The following RALGAPA2 variants were observed in gnomAD, a reference collection of about 807,000 sequenced individuals.
RALGAPA2 encodes ral GTPase-activating protein subunit alpha-2.
Under a neutral mutation model 230.4 loss-of-function variants are expected in RALGAPA2, and 139 were observed. The observed-to-expected ratio is 0.60, with a 90% CI of 0.53 to 0.69. RALGAPA2 has a LOEUF of 0.69. Among genes scored for constraint, RALGAPA2 ranks in the 30% least tolerant of loss-of-function variants. RALGAPA2 has a pLI of 0.00. For synonymous variants in RALGAPA2, 847 were observed against 837.8 expected, an observed-to-expected ratio of 1.01 and a Z score of -0.19; for missense variants, 2,163 against 2,276.0, an observed-to-expected ratio of 0.95 and a Z score of 1.01.
At chr20:20,537,052 T>C (rs2063516647) in intron 24 of RALGAPA2, among the ~76,000 whole-genome samples, 1 of 152,200 alleles carries the variant, frequency 6.6e-6, no homozygotes, top group South Asian at 2.1e-4. Context: ...CCAATGACTC[T>C]GTCATGACTG....
chr20:20,627,741 T>C (rs2066535602), intron 10 of RALGAPA2, among the ~76,000 whole-genome samples: 1 of 152,266 alleles, frequency 6.6e-6, no homozygotes, highest in African/African-American at 2.4e-5. Flanking sequence ...TTCCGGCTCC[T>C]GGTGTGGTAT....
chr20:20,445,029 G>C (rs2060829490), intron 37 of RALGAPA2, among the ~76,000 whole-genome samples: 1 of 152,168 alleles, frequency 6.6e-6, no homozygotes, highest in Admixed American at 6.5e-5. Context: ...TGTCCCCAAA[G>C]TGCAAAAGTA....
intron 5 of RALGAPA2, among the ~76,000 whole-genome samples, chr20:20,642,332 T>G (rs1568691981): frequency 6.6e-6 from 1 of 152,082 alleles, no homozygotes; most frequent in Non-Finnish European, 1.5e-5. Flanking sequence ...TGCCTCAGCC[T>G]CCCGAGTAGC....
At chr20:20,511,208 C>A in intron 33 of RALGAPA2, 46 bp downstream of exon 33, 3 of 1,546,368 alleles carry the variant, frequency 1.9e-6, no homozygotes, top group Non-Finnish European at 2.6e-6. Context: ...TCCAAGAATA[C>A]CCAAAGACAA....
chr20:20,656,675 C>A (rs1012378624), intron 3 of RALGAPA2, among the ~76,000 whole-genome samples: 2 of 152,192 alleles, frequency 1.3e-5, no homozygotes, highest in African/African-American at 4.8e-5. Context: ...ATAAGTAAAA[C>A]AGCTCTCTAC....
intron 1 of RALGAPA2, among the ~76,000 whole-genome samples, chr20:20,696,784 C>T (rs1603252212): frequency 6.6e-6 from 1 of 152,306 alleles, no homozygotes; most frequent in East Asian, 1.9e-4. Context: ...GTCCAAACCT[C>T]CCTTCAGAGA....
chr20:20,561,952 C>T (rs1039805393), intron 23 of RALGAPA2, among the ~76,000 whole-genome samples: 14 of 152,140 alleles, frequency 9.2e-5, no homozygotes, highest in African/African-American at 3.1e-4. Flanking sequence ...AAAGTGTGTC[C>T]AGACATTGCC....
intron 38 of RALGAPA2, among the ~76,000 whole-genome samples, chr20:20,409,434 T>TAC (rs758725508): frequency 5.9e-5 from 9 of 152,208 alleles, no homozygotes; most frequent in Non-Finnish European, 1.3e-4. Flanking sequence ...AGATTGTGCA[T>TAC]ACGCATGTGA....
Position 20,390,426 on chromosome 20 carries a change from C to A in RALGAPA2, c.*2863G>T. On this transcript the variant is annotated 3_prime_UTR_variant, in exon 40 of 40. Transcript: ENST00000202677. Reference sequence around the variant, plus strand: ...GTACGAAAGCCTAAGTACAATGAGACGATAAACATCAGCTTTGCTCTGGAT... The same window carrying A: ...GTACGAAAGCCTAAGTACAATGAGAAGATAAACATCAGCTTTGCTCTGGAT... The A allele has an allele frequency of 6.6e-6, 1 of 152,140 alleles. No homozygotes were observed. Among genetic ancestry groups the A allele is most frequent in the East Asian group, 1.9e-4 (1 of 5,198 alleles). The allele number at this position is 152,140 out of a possible 1,614,324, so 9.4% of individuals were successfully genotyped here. A position where few individuals can be genotyped will look rare whatever the true frequency, so the allele number is the denominator to read the frequency against.
chr20:20,496,673 G>T (rs77739773), intron 35 of RALGAPA2, among the ~76,000 whole-genome samples: 6,757 of 152,180 alleles, frequency 0.044, 225 homozygotes, highest in Non-Finnish European at 0.067. Flanking sequence ...TTTTAAAAAG[G>T]TGTTCTGGAA....
chr20:20,683,980 G>A (rs1257913224), intron 1 of RALGAPA2, among the ~76,000 whole-genome samples: 1 of 152,168 alleles, frequency 6.6e-6, no homozygotes, highest in African/African-American at 2.4e-5. Context: ...CTGAGCACAT[G>A]CAGAGTGCGC....
chr20:20,685,999 TCTC>T (rs1160561365), intron 1 of RALGAPA2, among the ~76,000 whole-genome samples: 3 of 151,902 alleles, frequency 2.0e-5, no homozygotes, highest in East Asian at 1.9e-4. Context: ...TTTAAAGAAA[TCTC>T]CTTTAACTTC....
chr20:20,674,939 T>C (rs1219147672), intron 3 of RALGAPA2, among the ~76,000 whole-genome samples: 2 of 152,086 alleles, frequency 1.3e-5, no homozygotes, highest in African/African-American at 2.4e-5. Context: ...CCTAAAATGG[T>C]GAAGGGGGAG....
At chr20:20,702,207 C>T (rs1345532957) in intron 1 of RALGAPA2, among the ~76,000 whole-genome samples, 1 of 152,106 alleles carries the variant, frequency 6.6e-6, no homozygotes. Flanking sequence ...AAAGTGTTGG[C>T]AATGTCTCCT....
chr20:20,517,096 A>G (rs951694300), intron 31 of RALGAPA2, among the ~76,000 whole-genome samples: 1 of 152,152 alleles, frequency 6.6e-6, no homozygotes, highest in Non-Finnish European at 1.5e-5. Context: ...CGAATTCAGC[A>G]TGAATGTACC....
At chr20:20,613,878 T>A (rs765960739) in intron 13 of RALGAPA2, among the ~76,000 whole-genome samples, 8 of 152,122 alleles carry the variant, frequency 5.3e-5, no homozygotes, top group Non-Finnish European at 1.2e-4. Context: ...ACACACCCAA[T>A]TCAGGACTCT....
Position 20,609,778 on chromosome 20 carries a change from T to C in RALGAPA2, c.1800+1537A>G, listed in dbSNP as rs560319446. ...TTCGCTGAGAAAGCAAAGTGTGCAG[T>C]GTCCATATGTCCAGGCAGGCAGCAA... On this transcript the variant is annotated intron_variant, in intron 14 of 39. Transcript: ENST00000202677. Among the ~76,000 whole-genome samples, 66 of 152,300 alleles carry C rather than the reference T, an allele frequency of 4.3e-4. 1 individual carries two copies. Among genetic ancestry groups the C allele is most frequent in the Non-Finnish European group, 6.8e-4 (46 of 68,018 alleles).
chr20:20,487,476 C>G (rs1052168910), intron 36 of RALGAPA2, among the ~76,000 whole-genome samples: 2 of 152,130 alleles, frequency 1.3e-5, no homozygotes, highest in Non-Finnish European at 2.9e-5. Flanking sequence ...GAGCCTGTGC[C>G]CCTGGACTGT....
At chr20:20,694,837 G>A (rs751546757) in intron 1 of RALGAPA2, among the ~76,000 whole-genome samples, 6 of 152,202 alleles carry the variant, frequency 3.9e-5, no homozygotes, top group Admixed American at 6.5e-5. Flanking sequence ...TGGAAAGCAC[G>A]TTCACCGGGA....
Sources: gnomAD v4.1 joint callset for allele counts (sites outside exome capture counted in the v4.1 genomes callset) on GRCh38, gnomAD v4.1.1 for gene constraint, MANE v1.5 for transcripts, NCBI Gene and HGNC (gene_info 2026-07-23, HGNC 2026-07-21) for gene names.